WWOX: variants seen among roughly 807,000 people sequenced by gnomAD.
WWOX encodes WW domain containing oxidoreductase, also known as WW domain-containing oxidoreductase.
WWOX carries 69 observed loss-of-function variants against 46.2 expected under a neutral mutation model. The ratio of observed to expected loss-of-function variants is 1.49; its 90% CI spans 1.23 to 1.82. WWOX has a LOEUF of 1.82. WWOX is among the 40% of genes most tolerant of loss of function. The probability of loss-of-function intolerance (pLI) is 0.00; values close to 1 mark genes in which losing one functional copy is unlikely to be tolerated. For missense variants in WWOX, 919 were observed against 542.6 expected, an observed-to-expected ratio of 1.69 and a Z score of -6.89; for synonymous variants, 359 against 202.6, an observed-to-expected ratio of 1.77 and a Z score of -6.56.
At chr16:78,738,875 T>A in intron 8 of WWOX, among the ~76,000 whole-genome samples, 1 of 152,138 alleles carries the variant, frequency 6.6e-6, no homozygotes, top group East Asian at 1.9e-4. Flanking sequence ...CCACATTCCA[T>A]TCTTCATATT....
chr16:78,236,538 G>A (rs1039108830), intron 5 of WWOX, among the ~76,000 whole-genome samples: 1 of 152,112 alleles, frequency 6.6e-6, no homozygotes, highest in Non-Finnish European at 1.5e-5. Context: ...TAGTTTACTC[G>A]TACGAACTTG....
chr16:78,856,331 C>T (rs529814862), intron 8 of WWOX, among the ~76,000 whole-genome samples: 1 of 152,270 alleles, frequency 6.6e-6, no homozygotes, highest in South Asian at 2.1e-4. Context: ...CTTGTAGTGA[C>T]TTTTATCGAA....
intron 5 of WWOX, among the ~76,000 whole-genome samples, chr16:78,385,214 C>T (rs1002827208): frequency 1.5e-4 from 23 of 151,250 alleles, no homozygotes; most frequent in African/African-American, 5.2e-4. Context: ...GGATCCTTCC[C>T]TCAGTAATCT....
chr16:78,255,407 T>C (rs2038100680), intron 5 of WWOX, among the ~76,000 whole-genome samples: 1 of 152,264 alleles, frequency 6.6e-6, no homozygotes, highest in African/African-American at 2.4e-5. Context: ...AAGAGAAATG[T>C]AAATTCCGCT....
chr16:78,998,254 A>G (rs1264438450), intron 8 of WWOX, among the ~76,000 whole-genome samples: 1 of 152,154 alleles, frequency 6.6e-6, no homozygotes, highest in Non-Finnish European at 1.5e-5. Flanking sequence ...GACCCAGGAC[A>G]TGTTGGACTG....
At chr16:78,867,235 G>A (rs2044023681) in intron 8 of WWOX, among the ~76,000 whole-genome samples, 2 of 152,156 alleles carry the variant, frequency 1.3e-5, no homozygotes. Flanking sequence ...AAGTTTAGGT[G>A]CAAAGGACAA....
At chr16:78,297,261 A>C (rs1021625624) in intron 5 of WWOX, among the ~76,000 whole-genome samples, 2 of 152,118 alleles carry the variant, frequency 1.3e-5, no homozygotes, top group African/African-American at 4.8e-5. Flanking sequence ...TGGTTTCTGC[A>C]CAGCTTTGAT....
Position 79,211,845 on chromosome 16 carries a change from C to T in WWOX, c.*49C>T, listed in dbSNP as rs1486651231. On this transcript the variant is annotated 3_prime_UTR_variant, in exon 9 of 9. Transcript: ENST00000566780. ...CACACACCCGCCCTGTGTGTGTCCC[C>T]TCACGCAAGTGCCAGGGCTGGGCCC... The T allele has an allele frequency of 1.9e-6, 3 of 1,610,696 alleles. No individual in the cohort carries two copies. Among genetic ancestry groups the T allele is most frequent in the East Asian group, 2.2e-5 (1 of 44,792 alleles).
At chr16:78,664,133 C>G (rs1436584920) in intron 8 of WWOX, among the ~76,000 whole-genome samples, 1 of 152,114 alleles carries the variant, frequency 6.6e-6, no homozygotes, top group African/African-American at 2.4e-5. Flanking sequence ...GGAGGTGACC[C>G]TGGAGTTAAA....
intron 8 of WWOX, among the ~76,000 whole-genome samples, chr16:78,736,854 C>T (rs1424353420): frequency 1.3e-5 from 2 of 152,134 alleles, no homozygotes; most frequent in African/African-American, 4.8e-5. Context: ...TACAATTCCC[C>T]TGCCTCAGAA....
intron 5 of WWOX, among the ~76,000 whole-genome samples, chr16:78,258,301 G>A (rs370675165): frequency 3.4e-4 from 51 of 152,208 alleles, no homozygotes; most frequent in African/African-American, 1.2e-3. Context: ...CTCTCCGTTT[G>A]GTGGGACTAA....
chr16:78,459,750 C>A (rs1357124726), intron 8 of WWOX, among the ~76,000 whole-genome samples: 1 of 152,108 alleles, frequency 6.6e-6, no homozygotes, highest in Non-Finnish European at 1.5e-5. Context: ...TTACATTCAG[C>A]CTGAAGGCCT....
chr16:78,880,065 C>G (rs117401299), intron 8 of WWOX, among the ~76,000 whole-genome samples: 1 of 152,058 alleles, frequency 6.6e-6, no homozygotes, highest in South Asian at 2.1e-4. Context: ...AGACATGATA[C>G]GAGTTGATGA....
chr16:78,879,443 C>A (rs928039047), intron 8 of WWOX, among the ~76,000 whole-genome samples: 1 of 151,968 alleles, frequency 6.6e-6, no homozygotes, highest in Non-Finnish European at 1.5e-5. Flanking sequence ...CATACTTTTT[C>A]AGGATCTGCT....
intron 5 of WWOX, chr16:78,355,718 G>T (rs1022617531): frequency 5.4e-6 from 4 of 743,496 alleles, no homozygotes; most frequent in South Asian, 5.3e-5. Flanking sequence ...GACTACTATA[G>T]AAATTGATGA....
chr16:78,413,615 G>C (rs991214299), intron 6 of WWOX, among the ~76,000 whole-genome samples: 2 of 151,966 alleles, frequency 1.3e-5, no homozygotes, highest in Non-Finnish European at 2.9e-5. Flanking sequence ...CACTTCTTTT[G>C]TGGATCTTCA....
chr16:79,140,292 A>T (rs1051001965), intron 8 of WWOX, among the ~76,000 whole-genome samples: 1 of 152,092 alleles, frequency 6.6e-6, no homozygotes, highest in Non-Finnish European at 1.5e-5. Context: ...GGTGTGGCCG[A>T]TTTCTTGGAC....
intron 8 of WWOX, among the ~76,000 whole-genome samples, chr16:78,978,926 C>T (rs1318786194): frequency 1.3e-5 from 2 of 152,068 alleles, no homozygotes; most frequent in Non-Finnish European, 2.9e-5. Context: ...CTTGTTATTT[C>T]TTCAGGTACA....
chr16:79,197,331 A>C (rs1440998192), intron 8 of WWOX, among the ~76,000 whole-genome samples: 2 of 152,190 alleles, frequency 1.3e-5, no homozygotes, highest in Non-Finnish European at 2.9e-5. Flanking sequence ...GACTGCTAGA[A>C]CTGGATCATA....
Sources: allele counts gnomAD v4.1 joint callset (sites outside exome capture counted in the v4.1 genomes callset), GRCh38; gene constraint gnomAD v4.1.1; transcripts MANE v1.5; gene names NCBI Gene and HGNC (gene_info 2026-07-23, HGNC 2026-07-21).